MAPK4: variants seen among roughly 807,000 people sequenced by gnomAD.
The protein encoded by MAPK4 is mitogen-activated protein kinase 4.
A neutral mutation model predicts 47.7 loss-of-function variants in MAPK4; 22 were observed. The observed-to-expected ratio is 0.46, with a 90% confidence interval of 0.33 to 0.66. The LOEUF (loss-of-function observed/expected upper bound fraction) is 0.66. MAPK4 is among the 30% of genes least tolerant of loss of function. The pLI is 0.02. For missense variants in MAPK4, 736 were observed against 831.7 expected (o/e 0.88, Z 1.42); for synonymous variants, 390 against 365.7 (o/e 1.07, Z -0.76).
At chr18:50,727,623 T>G (rs1421282964) in intron 5 of MAPK4, among the ~76,000 whole-genome samples, 2 of 152,182 alleles carry the variant, frequency 1.3e-5, no homozygotes, top group African/African-American at 4.8e-5. Flanking sequence ...GGGAGAGTCA[T>G]CCTATACTTT....
At chr18:50,578,534 T>C (rs1338359900) in intron 1 of MAPK4, among the ~76,000 whole-genome samples, 1 of 152,190 alleles carries the variant, frequency 6.6e-6, no homozygotes, top group Non-Finnish European at 1.5e-5. Context: ...TGGTGCCTGT[T>C]TGGTCAAGGA....
intron 1 of MAPK4, among the ~76,000 whole-genome samples, chr18:50,589,413 G>A (rs1279401495): frequency 6.6e-6 from 1 of 151,772 alleles, no homozygotes; most frequent in East Asian, 1.9e-4. Context: ...TGGCTAACAC[G>A]GTGAAACCCC....
chr18:50,698,643 A>G (rs1568086156), intron 2 of MAPK4, among the ~76,000 whole-genome samples: 1 of 152,232 alleles, frequency 6.6e-6, no homozygotes, highest in East Asian at 1.9e-4. Context: ...TACCAAAACC[A>G]GACAAGTGTA....
intron 1 of MAPK4, among the ~76,000 whole-genome samples, chr18:50,662,113 A>G (rs1442830965): frequency 2.0e-5 from 3 of 152,216 alleles, no homozygotes; most frequent in Non-Finnish European, 2.9e-5. Flanking sequence ...TCAGATAGCA[A>G]AGTGTCTCTA....
intron 1 of MAPK4, among the ~76,000 whole-genome samples, chr18:50,568,857 T>G (rs1401280448): frequency 6.6e-6 from 1 of 152,264 alleles, no homozygotes; most frequent in Non-Finnish European, 1.5e-5. Flanking sequence ...CATCATTTAT[T>G]GCATTCTCAA....
chr18:50,673,273 C>T (rs1908069285), intron 2 of MAPK4, among the ~76,000 whole-genome samples: 1 of 151,980 alleles, frequency 6.6e-6, no homozygotes, highest in Non-Finnish European at 1.5e-5. Flanking sequence ...TGAAACTCCG[C>T]CTCAAAAAAA....
rs1289362577 is a variant in MAPK4, at chr18:50,664,050, A to G, written c.92A>G (p.Asn31Ser). 1.7e-5 allele frequency: 27 copies of G among 1,613,704 alleles called. No individual in the cohort carries two copies. The highest frequency in any genetic ancestry group is 5.0e-5 in the Admixed American group (3 of 60,008). Residue 31 changes from asparagine (N) to serine (S), a missense_variant, in exon 2 of 6, where the codon AAT becomes AGT. By Grantham distance (46) the Asn-to-Ser change is conservative. Around this residue, in one of 3 missense-constraint regions of MAPK4, gnomAD observed 327 missense variants for 395.4 expected, o/e 0.83. Coordinates refer to ENST00000400384, the MANE Select transcript of MAPK4 (RefSeq NM_002747.4). This position sits in a 1 kb window ranked among gnomAD's most constrained non-coding sequence, Gnocchi z 6.0. Reference protein sequence around the residue: ...VDFQPLGFGVNGLVLSAVDSR... With the variant: ...VDFQPLGFGVSGLVLSAVDSR... ...TTCCAACCCCTGGGCTTCGGTGTCA[A>G]TGGTTTGGTGCTGTCGGCCGTGGAC... is the stretch of plus-strand genomic sequence containing the variant.
At chr18:50,600,868 T>A (rs1235820506) in intron 1 of MAPK4, among the ~76,000 whole-genome samples, 1 of 152,070 alleles carries the variant, frequency 6.6e-6, no homozygotes, top group East Asian at 1.9e-4. Context: ...TAGATAGAAA[T>A]TTTTTAAAAA....
chr18:50,672,074 C>T (rs771489568), intron 2 of MAPK4, among the ~76,000 whole-genome samples: 7 of 152,016 alleles, frequency 4.6e-5, no homozygotes, highest in Non-Finnish European at 1.0e-4. Flanking sequence ...GGGTCTCTGC[C>T]GGTGATCAAG....
chr18:50,724,359 CT>C (rs1469474456), intron 4 of MAPK4, among the ~76,000 whole-genome samples: 1 of 152,160 alleles, frequency 6.6e-6, no homozygotes, highest in African/African-American at 2.4e-5. Flanking sequence ...TGGTACTCAT[CT>C]TTTTTAAAGA....
At chr18:50,580,522 A>C (rs2042334281) in intron 1 of MAPK4, among the ~76,000 whole-genome samples, 1 of 152,178 alleles carries the variant, frequency 6.6e-6, no homozygotes. Context: ...GGTGGTTGCT[A>C]AAAATGTTTG....
intron 1 of MAPK4, among the ~76,000 whole-genome samples, chr18:50,610,527 C>G (rs1425677308): frequency 1.3e-5 from 2 of 152,244 alleles, no homozygotes; most frequent in East Asian, 3.8e-4. Context: ...TCCTGCCTTG[C>G]AGCCTCCCTC....
intron 1 of MAPK4, among the ~76,000 whole-genome samples, chr18:50,622,707 A>T (rs930464423): frequency 1.3e-5 from 2 of 152,222 alleles, no homozygotes; most frequent in African/African-American, 4.8e-5. Flanking sequence ...ACGCAGGCAG[A>T]ATAGGTTTGG....
intron 1 of MAPK4, among the ~76,000 whole-genome samples, chr18:50,652,280 G>T (rs952786780): frequency 1.3e-5 from 2 of 152,184 alleles, no homozygotes; most frequent in Admixed American, 6.5e-5. Flanking sequence ...AGATGCAATC[G>T]CTGGGAGAGG....
rs1352319875 is a variant in MAPK4 at position 50,560,212 on chromosome 18, C to A, written c.-902C>A. The A allele has an allele frequency of 1.3e-5, 2 of 151,070 alleles. No individual in the cohort carries two copies. The highest frequency in any genetic ancestry group is 3.0e-5 in the Non-Finnish European group (2 of 67,720). 9.4% of individuals were successfully genotyped at this position (151,070 alleles called of 1,614,324 possible). A position where few individuals can be genotyped will look rare whatever the true frequency, so the allele number is the denominator to read the frequency against. On this transcript the variant is annotated 5_prime_UTR_variant, in exon 1 of 6. Transcript: ENST00000400384. Reference sequence around the variant, plus strand: ...GGCCGCAGACAAAGGGCGGCTCGCGCCCGGGCCGCCACGCTCTCGGGCTCT... The same window carrying A: ...GGCCGCAGACAAAGGGCGGCTCGCGACCGGGCCGCCACGCTCTCGGGCTCT...
At chr18:50,632,698 C>T (rs2042842734) in intron 1 of MAPK4, among the ~76,000 whole-genome samples, 2 of 146,468 alleles carry the variant, frequency 1.4e-5, no homozygotes, top group Non-Finnish European at 3.0e-5. Flanking sequence ...CGGCTCATTG[C>T]AACCTCAGCC....
chr18:50,664,107 A>G lies in MAPK4; in HGVS notation c.149A>G (p.Lys50Arg), dbSNP rs532114080. ...GCCTGCCGGAAGGTCGCTGTGAAGA[A>G]GATTGCCCTGAGCGATGCCCGCAGC... ...SRACRKVAVK[K>R]IALSDARSMK... is the part of the protein sequence containing the mutation. Residue 50 changes from lysine (K) to arginine (R), a missense_variant, in exon 2 of 6, where the codon AAG (lysine) becomes AGG (arginine). Lys to Arg is a conservative substitution (Grantham distance 26). Coordinates refer to ENST00000400384, the MANE Select transcript of MAPK4 (RefSeq NM_002747.4). This position sits in a 1 kb window ranked among gnomAD's most constrained non-coding sequence, Gnocchi z 6.0. 4.3e-6 allele frequency: 7 copies of G among 1,614,122 alleles called. No individual in the cohort carries two copies. In the South Asian group the frequency reaches 7.7e-5, roughly 18 times the overall value.
rs1331946854 is a variant in MAPK4 at position 50,729,235 on chromosome 18, C to G, written c.1145C>G (p.Pro382Arg). The G allele has an allele frequency of 4.4e-6, 7 of 1,607,950 alleles. No homozygotes were observed. The highest frequency in any genetic ancestry group is 3.3e-4 in the Middle Eastern group (2 of 6,050). The change falls in exon 6 of 6, where the codon CCG becomes CGG. Residue 382 changes from proline (P) to arginine (R), a missense_variant. This residue lies in a region of MAPK4 where 377 missense variants were observed against 378.6 expected (regional missense o/e 1.00). Transcript: ENST00000400384. ...GACGCCAGCGAGGTACAGCGCGACC[C>G]GCGCGCGGGTTCGGCGCCACTGGCT... ...CQDASEVQRD[P>R]RAGSAPLAED...
chr18:50,698,276 T>A lies in MAPK4; in HGVS notation c.547-16803T>A, dbSNP rs146737063. On this transcript the variant is annotated intron_variant, in intron 2 of 5. Coordinates refer to ENST00000400384, the MANE Select transcript of MAPK4 (RefSeq NM_002747.4). ...GCCCTAAATTATCAAGGAACATAAC[T>A]ATAGACACAACAGAGACTCAAAACT... is the stretch of plus-strand genomic sequence containing the variant. Among the ~76,000 whole-genome samples the A allele has an allele frequency of 5.4e-3, 821 of 152,272 alleles. 3 individuals carry two copies. The highest frequency in any genetic ancestry group is 0.018 in the African/African-American group (763 of 41,552).
Sources: gnomAD v4.1 joint callset for allele counts (sites outside exome capture counted in the v4.1 genomes callset) on GRCh38, gnomAD v4.1.1 for gene constraint, gnomAD v4.1.1 regional missense constraint, Gnocchi (gnomAD v3.1) non-coding constraint, MANE v1.5 for transcripts, NCBI Gene and HGNC (gene_info 2026-07-23, HGNC 2026-07-21) for gene names.